Variants in BCAS3 observed in about 807,000 individuals in gnomAD.
BCAS3 encodes the protein BCAS3 microtubule associated cell migration factor, also known as BCAS4/BCAS3 fusion.
A neutral mutation model predicts 116.1 loss-of-function variants in BCAS3; 53 were observed. That is an observed-to-expected ratio of 0.46 (90% CI 0.37 to 0.57). The LOEUF is 0.57. BCAS3 is among the 20% of genes least tolerant of loss of function. The pLI, the probability that BCAS3 is intolerant of heterozygous loss-of-function variation, is 0.00. For synonymous variants in BCAS3, 391 were observed against 408.2 expected (o/e 0.96, Z 0.51); for missense variants, 917 against 1,165.4 (o/e 0.79, Z 3.10).
intron 14 of BCAS3, among the ~76,000 whole-genome samples, chr17:60,976,020 C>CTTTTTTTTTTGT (rs2062329086): frequency 1.0e-5 from 1 of 98,286 alleles, no homozygotes. Context: ...TAGATTTTTG[C>CTTTTTTTTTTGT]TTTTTTTTTT....
chr17:60,838,079 G>A (rs1420320980), intron 7 of BCAS3, among the ~76,000 whole-genome samples: 2 of 152,056 alleles, frequency 1.3e-5, no homozygotes, highest in African/African-American at 4.8e-5. Context: ...AAGACATGGC[G>A]AGATAAACCC....
In BCAS3 at chr17:61,199,607, T is replaced by G. The variant is rs1019654047; in HGVS notation, c.2425+115043T>G. ...ATAATAACTGTGATGAACAAGTTATTCAAGAAATACTTGCAAGGTGGACAA... is the reference window on the plus strand; with the variant it reads ...ATAATAACTGTGATGAACAAGTTATGCAAGAAATACTTGCAAGGTGGACAA... On this transcript the variant is annotated intron_variant, in intron 22 of 23. Transcript: ENST00000407086. The surrounding 1 kb of genome is among the most constrained non-coding windows in gnomAD (Gnocchi z 4.6). 6.6e-6 allele frequency among the ~76,000 whole-genome samples: 1 copy of G among 152,226 alleles called. No homozygotes were observed. The highest frequency in any genetic ancestry group is 1.5e-5 in the Non-Finnish European group (1 of 68,038).
rs144337289 is a variant in BCAS3, at chr17:61,352,466, T to C, written c.2426-15861T>C. Among the ~76,000 whole-genome samples, 36 of 152,242 alleles carry C rather than the reference T, an allele frequency of 2.4e-4. No homozygotes were observed. Among genetic ancestry groups the C allele is most frequent in the African/African-American group, 8.4e-4 (35 of 41,552 alleles). On this transcript the variant is annotated intron_variant, in intron 22 of 23. Transcript: ENST00000407086. The surrounding 1 kb of genome is among the most constrained non-coding windows in gnomAD (Gnocchi z 4.7). ...CCACAAGGAAGGGGTGAGAGGAGGCTCTACTGGCCTTTTTGAACTTACTTC... is the reference window on the plus strand; with the variant it reads ...CCACAAGGAAGGGGTGAGAGGAGGCCCTACTGGCCTTTTTGAACTTACTTC...
rs755687591 is a variant in BCAS3 at position 60,814,296 on chromosome 17, T to TGCGCGC, written c.476+6221_476+6222insCGCGCG. ...GTGTGTGTGTGTGTGTGTGTGTGTG[T>TGCGCGC]GTGTGTGTGTGCGCGCGTGCCCATT... On this transcript the variant is annotated intron_variant, in intron 7 of 23. Coordinates refer to ENST00000407086, the MANE Select transcript of BCAS3 (RefSeq NM_017679.5). 2.7e-3 allele frequency among the ~76,000 whole-genome samples: 336 copies of TGCGCGC among 124,480 alleles called. 2 individuals are homozygous for TGCGCGC. The East Asian group carries it at 0.047, about 17-fold the overall frequency. 81.7% of individuals were successfully genotyped at this position (124,480 alleles called of 152,430 possible).
chr17:60,809,197 T>C (rs1212936472), intron 7 of BCAS3, among the ~76,000 whole-genome samples: 2 of 151,522 alleles, frequency 1.3e-5, no homozygotes, highest in African/African-American at 4.9e-5. Context: ...GGCACGAGAA[T>C]TGCTTGAACC....
At position 61,352,282 on chromosome 17, in the gene BCAS3, A is replaced by G. The variant is rs142277123; in HGVS notation, c.2426-16045A>G. 2.0e-5 allele frequency among the ~76,000 whole-genome samples: 3 copies of G among 152,334 alleles called. No individual in the cohort carries two copies. The highest frequency in any genetic ancestry group is 2.1e-4 in the South Asian group (1 of 4,828). On this transcript the variant is annotated intron_variant, in intron 22 of 23. Transcript: ENST00000407086. This position sits in a 1 kb window ranked among gnomAD's most constrained non-coding sequence, Gnocchi z 4.7. ...TTTTCCCTACTCATGGATGAATCCA[A>G]TCTTCTAATCCAGTATGTACCTTAG...
chr17:60,974,454 G>A (rs1382540605), intron 14 of BCAS3, among the ~76,000 whole-genome samples: 8 of 151,972 alleles, frequency 5.3e-5, no homozygotes, highest in Admixed American at 3.9e-4. Flanking sequence ...ATTAGATATT[G>A]GTTTCCCCAA....
In BCAS3 at chr17:61,214,438, A is replaced by T. The variant is rs1229813090; in HGVS notation, c.2425+129874A>T. 2.0e-5 allele frequency among the ~76,000 whole-genome samples: 3 copies of T among 152,070 alleles called. No individual in the cohort carries two copies. The highest frequency in any genetic ancestry group is 7.2e-5 in the African/African-American group (3 of 41,392). The stretch of plus-strand genomic sequence containing the variant: ...AGTGGCTCATGCCTGTAATCCCAGC[A>T]CTTTGCAAGGCCGAGGCAGGTGGAT... On this transcript the variant is annotated intron_variant, in intron 22 of 23. Transcript: ENST00000407086. The surrounding 1 kb of genome is among the most constrained non-coding windows in gnomAD (Gnocchi z 4.4).
At chr17:60,790,142 A>T (rs2046633815) in intron 6 of BCAS3, among the ~76,000 whole-genome samples, 1 of 152,172 alleles carries the variant, frequency 6.6e-6, no homozygotes, top group Non-Finnish European at 1.5e-5. Context: ...CATAAACTTT[A>T]TAAATTTTTA....
rs2076255744 is a variant in BCAS3 at position 61,130,181 on chromosome 17, A to G, written c.2425+45617A>G. ...ACCCACTTTCACCTTAACTGAGTTTATGTGACTAATTTTAAATTTACTGTA... is the reference window on the plus strand; with the variant it reads ...ACCCACTTTCACCTTAACTGAGTTTGTGTGACTAATTTTAAATTTACTGTA... On this transcript the variant is annotated intron_variant, in intron 22 of 23. Transcript: ENST00000407086. This position sits in a 1 kb window ranked among gnomAD's most constrained non-coding sequence, Gnocchi z 5.0. 6.6e-6 allele frequency among the ~76,000 whole-genome samples: 1 copy of G among 152,224 alleles called. No homozygotes were observed. The highest frequency in any genetic ancestry group is 6.5e-5 in the Admixed American group (1 of 15,288).
In BCAS3 at chr17:60,881,529, C is replaced by G. The variant is rs192690658; in HGVS notation, c.661+6791C>G. 7.8e-3 allele frequency among the ~76,000 whole-genome samples: 1,177 copies of G among 150,776 alleles called. 16 individuals are homozygous for G. Among genetic ancestry groups the G allele is most frequent in the African/African-American group, 0.026 (1,085 of 41,038 alleles). ...TATGTATACATGTGCCATGCTGGTG[C>G]GCTGCACCCACTAACTCGTCATCTA... On this transcript the variant is annotated intron_variant, in intron 9 of 23. Transcript: ENST00000407086.
rs571594009 is a variant in BCAS3 at position 60,938,018 on chromosome 17, T to C, written c.1088-9201T>C. Among the ~76,000 whole-genome samples, 10 of 120,704 alleles carry C rather than the reference T, an allele frequency of 8.3e-5. 1 individual carries two copies. The South Asian group carries it at 1.7e-3, about 21-fold the overall frequency. The allele number at this position is 120,704 out of a possible 152,430, so 79.2% of individuals were successfully genotyped here. On this transcript the variant is annotated intron_variant, in intron 13 of 23. Coordinates refer to ENST00000407086, the MANE Select transcript of BCAS3 (RefSeq NM_017679.5). ...ACTTTTCCAATTATATTTCTCACTC[T>C]TTTTTTTTTGAGACGGAGCTGGAGT...
rs1421259480 is a variant in BCAS3, at chr17:61,261,745, T to C, written c.2426-106582T>C. Among the ~76,000 whole-genome samples the C allele has an allele frequency of 6.6e-6, 1 of 152,254 alleles. No homozygotes were observed. The highest frequency in any genetic ancestry group is 1.5e-5 in the Non-Finnish European group (1 of 68,050). ...CACAACTCATATGAGGCTGTTTCAC[T>C]GTAGACTGAGATTGTCAAGACTTCT... On this transcript the variant is annotated intron_variant, in intron 22 of 23. Coordinates refer to ENST00000407086, the MANE Select transcript of BCAS3 (RefSeq NM_017679.5). This position sits in a 1 kb window ranked among gnomAD's most constrained non-coding sequence, Gnocchi z 4.4.
At chr17:61,129,501 C>T (rs535132432) in intron 22 of BCAS3, among the ~76,000 whole-genome samples, 20 of 152,316 alleles carry the variant, frequency 1.3e-4, no homozygotes, top group African/African-American at 4.3e-4. Flanking sequence ...TGACAACTTG[C>T]TCTGGTTGCC....
chr17:61,018,383 C>T (rs2065628889), intron 16 of BCAS3, among the ~76,000 whole-genome samples: 1 of 148,782 alleles, frequency 6.7e-6, no homozygotes, highest in South Asian at 2.1e-4. Context: ...CTCACTGCAG[C>T]CTCTGCCTCC....
chr17:60,863,187 C>T (rs1006096216), intron 7 of BCAS3, among the ~76,000 whole-genome samples: 2 of 151,992 alleles, frequency 1.3e-5, no homozygotes, highest in South Asian at 4.1e-4. Flanking sequence ...TTATATTGTA[C>T]CTTTGATGAA....
At chr17:60,974,278 G>C (rs987641993) in intron 14 of BCAS3, among the ~76,000 whole-genome samples, 1 of 152,152 alleles carries the variant, frequency 6.6e-6, no homozygotes, top group Non-Finnish European at 1.5e-5. Flanking sequence ...CATCTTAGAT[G>C]CTGAAATGTA....
intron 22 of BCAS3, among the ~76,000 whole-genome samples, chr17:61,143,126 T>C (rs1037297016): frequency 1.3e-5 from 2 of 152,238 alleles, no homozygotes; most frequent in African/African-American, 4.8e-5. Context: ...ATTTTTCTTA[T>C]GAGTAAGTTC....
chr17:61,374,562 T>A (rs1390982905), intron 23 of BCAS3, among the ~76,000 whole-genome samples: 2 of 152,214 alleles, frequency 1.3e-5, no homozygotes, highest in African/African-American at 4.8e-5. Context: ...GGCCCCGGGC[T>A]CACTGATTCT....
Sources: gnomAD v4.1 joint callset for allele counts (sites outside exome capture counted in the v4.1 genomes callset) on GRCh38, gnomAD v4.1.1 for gene constraint, Gnocchi (gnomAD v3.1) non-coding constraint, MANE v1.5 for transcripts, NCBI Gene and HGNC (gene_info 2026-07-23, HGNC 2026-07-21) for gene names.